The following PRKCB variants were observed in gnomAD, a reference collection of about 807,000 sequenced individuals.
The protein encoded by PRKCB is protein kinase C beta.
A neutral mutation model predicts 81.5 loss-of-function variants in PRKCB; 13 were observed. That is an observed-to-expected ratio of 0.16 (90% confidence interval 0.10 to 0.25). The LOEUF (loss-of-function observed/expected upper bound fraction) is 0.25. PRKCB is among the 10% of genes least tolerant of loss of function. The pLI, the probability that PRKCB is intolerant of heterozygous loss-of-function variation, is 1.00. For missense variants in PRKCB, 509 were observed against 875.7 expected (o/e 0.58, Z 5.29); for synonymous variants, 335 against 321.4 (o/e 1.04, Z -0.45).
chr16:24,006,284 T>A lies in PRKCB; in HGVS notation c.288+17694T>A, dbSNP rs1335936648. ...GGCCTCTCTAGCTCAGAGGTTACAC[T>A]GTCATCAAATGTCCAAAGAGCTCTT... On this transcript the variant is annotated intron_variant, in intron 3 of 16. Transcript: ENST00000643927. Among the ~76,000 whole-genome samples the A allele has an allele frequency of 3.9e-5, 6 of 152,244 alleles. No individual in the cohort carries two copies. The East Asian group carries it at 1.2e-3, about 29-fold the overall frequency.
intron 2 of PRKCB, among the ~76,000 whole-genome samples, chr16:23,948,998 T>C (rs972253880): frequency 3.3e-5 from 5 of 152,184 alleles, no homozygotes; most frequent in African/African-American, 1.2e-4. Context: ...GGTTTTTTAC[T>C]GACAACGCAT....
In PRKCB at chr16:24,218,084, A is replaced by G. The variant is rs949090111; in HGVS notation, c.*3268A>G. Reference sequence around the variant, plus strand: ...TGCCAGGCACTATTCTTAGCACTGGAAATACACTAGTGAAGAAGCAGATGA... The same window carrying G: ...TGCCAGGCACTATTCTTAGCACTGGGAATACACTAGTGAAGAAGCAGATGA... On this transcript the variant is annotated 3_prime_UTR_variant, in exon 17 of 17. Transcript: ENST00000643927. The G allele has an allele frequency of 4.8e-5, 47 of 985,066 alleles. No individual in the cohort carries two copies. The African/African-American group carries it at 7.0e-4, about 15-fold the overall frequency. 61.0% of individuals were successfully genotyped at this position (985,066 alleles called of 1,614,324 possible). A position where few individuals can be genotyped will look rare whatever the true frequency, so the allele number is the denominator to read the frequency against.
At chr16:24,025,091 G>T (rs776755294) in intron 3 of PRKCB, among the ~76,000 whole-genome samples, 2 of 152,188 alleles carry the variant, frequency 1.3e-5, no homozygotes, top group African/African-American at 4.8e-5. Context: ...TAAATAAGCC[G>T]TAAGAAGTCA....
At chr16:23,912,823 T>C (rs1963682410) in intron 2 of PRKCB, among the ~76,000 whole-genome samples, 1 of 150,268 alleles carries the variant, frequency 6.7e-6, no homozygotes. Context: ...TTTATTTATT[T>C]ATTTATTTAT....
chr16:24,133,223 A>G lies in PRKCB; in HGVS notation c.1065+9242A>G, dbSNP rs80124991. Among the ~76,000 whole-genome samples, 681 of 152,232 alleles carry G rather than the reference A, an allele frequency of 4.5e-3. 4 individuals are homozygous for G. The highest frequency in any genetic ancestry group is 0.016 in the African/African-American group (652 of 41,538). ...CTCTATAAAAGCAAAAAACAAAAAAAAATTGCATGCCTTATTTTCAGTGTA... is the reference window on the plus strand; with the variant it reads ...CTCTATAAAAGCAAAAAACAAAAAAGAATTGCATGCCTTATTTTCAGTGTA... On this transcript the variant is annotated intron_variant, in intron 9 of 16. Transcript: ENST00000643927.
intron 2 of PRKCB, among the ~76,000 whole-genome samples, chr16:23,931,929 A>T (rs531500620): frequency 1.3e-5 from 2 of 151,622 alleles, no homozygotes; most frequent in Middle Eastern, 3.2e-3. Flanking sequence ...CAGACACCAT[A>T]TAATTTCAGT....
At chr16:24,094,686 G>A (rs539490744) in intron 7 of PRKCB, among the ~76,000 whole-genome samples, 30 of 152,000 alleles carry the variant, frequency 2.0e-4, no homozygotes, top group Non-Finnish European at 4.1e-4. Context: ...AGGATCACTT[G>A]AACCCTGGAG....
intron 5 of PRKCB, among the ~76,000 whole-genome samples, chr16:24,067,796 A>G (rs1011983907): frequency 2.6e-5 from 4 of 152,080 alleles, no homozygotes; most frequent in African/African-American, 4.8e-5. Flanking sequence ...GTGAAGCCCC[A>G]TCTCTACCAA....
In PRKCB at chr16:24,214,646, C is replaced by A. The variant is rs1334825811; in HGVS notation, c.1864-12C>A. On this transcript the variant is annotated splice_polypyrimidine_tract_variant and intron_variant, in intron 16 of 16. Transcript: ENST00000643927. ...CCCACCCACCACAAGTTCTTTTCTTCCCCTCTCATAGTGTGGGCGAAATGC... is the reference window on the plus strand; with the variant it reads ...CCCACCCACCACAAGTTCTTTTCTTACCCTCTCATAGTGTGGGCGAAATGC... 1 of 1,605,392 alleles carries A rather than the reference C, an allele frequency of 6.2e-7. No individual in the cohort carries two copies. The highest frequency in any genetic ancestry group is 8.5e-7 in the Non-Finnish European group (1 of 1,175,384).
At chr16:23,982,464 A>G (rs1178826074) in intron 2 of PRKCB, among the ~76,000 whole-genome samples, 1 of 149,528 alleles carries the variant, frequency 6.7e-6, no homozygotes, top group Non-Finnish European at 1.5e-5. Context: ...TCTGTTGCCC[A>G]GGCTGGAGTG....
chr16:23,948,506 C>T (rs890804868), intron 2 of PRKCB, among the ~76,000 whole-genome samples: 2 of 152,122 alleles, frequency 1.3e-5, no homozygotes, highest in Admixed American at 6.6e-5. Context: ...AGGGTTCAAG[C>T]GAGTCTCATG....
intron 5 of PRKCB, among the ~76,000 whole-genome samples, chr16:24,054,790 C>G (rs542854330): frequency 1.3e-5 from 2 of 152,362 alleles, no homozygotes; most frequent in Admixed American, 1.3e-4. Flanking sequence ...ATCGTTCTAA[C>G]AGTCTCTTGA....
At chr16:24,129,506 C>G (rs1966849936) in intron 9 of PRKCB, among the ~76,000 whole-genome samples, 1 of 148,598 alleles carries the variant, frequency 6.7e-6, no homozygotes, top group Admixed American at 6.7e-5. Flanking sequence ...TTCTGTCCCT[C>G]TCTCATGCAC....
chr16:24,035,308 C>T, intron 4 of PRKCB, 111 bp from the exon 5 acceptor site: 19 of 1,392,838 alleles, frequency 1.4e-5, no homozygotes, highest in Non-Finnish European at 1.8e-5. Flanking sequence ...TGTGTCTCAG[C>T]TGTCTCAAAG....
chr16:23,867,902 A>T (rs1962834902), intron 2 of PRKCB, among the ~76,000 whole-genome samples: 1 of 152,160 alleles, frequency 6.6e-6, no homozygotes, highest in Non-Finnish European at 1.5e-5. Context: ...GTCTTTAATT[A>T]TTCATCTCTT....
chr16:23,869,144 G>A (rs1355140146), intron 2 of PRKCB: 2 of 453,616 alleles, frequency 4.4e-6, no homozygotes, highest in Non-Finnish European at 8.8e-6. Flanking sequence ...CACTGATGTG[G>A]AGCATTGGCC....
intron 12 of PRKCB, among the ~76,000 whole-genome samples, chr16:24,175,445 G>T (rs76091868): frequency 6.6e-6 from 1 of 152,002 alleles, no homozygotes; most frequent in East Asian, 1.9e-4. Context: ...CCTTGCCCCC[G>T]TGGAGTTTAT....
intron 2 of PRKCB, among the ~76,000 whole-genome samples, chr16:23,837,738 C>T (rs989540335): frequency 2.0e-5 from 3 of 152,128 alleles, no homozygotes; most frequent in East Asian, 1.9e-4. Flanking sequence ...TCTGGGAGAA[C>T]CTGTCCTCCT....
chr16:24,002,298 GGTGT>G (rs546886407), intron 3 of PRKCB, among the ~76,000 whole-genome samples: 1 of 147,556 alleles, frequency 6.8e-6, no homozygotes, highest in Non-Finnish European at 1.5e-5. Flanking sequence ...CCAAAGCACA[GGTGT>G]GTGTGTGTGT....
Sources: allele counts gnomAD v4.1 joint callset (sites outside exome capture counted in the v4.1 genomes callset), GRCh38; gene constraint gnomAD v4.1.1; transcripts MANE v1.5; gene names NCBI Gene and HGNC (gene_info 2026-07-23, HGNC 2026-07-21).